The following PCDH15 variants were observed in gnomAD, a reference collection of about 807,000 sequenced individuals.
PCDH15 encodes protocadherin-15.
A neutral mutation model predicts 178.5 loss-of-function variants in PCDH15; 129 were observed. That is an observed-to-expected ratio of 0.72 (90% confidence interval 0.63 to 0.84). The LOEUF is 0.84. PCDH15 is among the 40% of genes least tolerant of loss of function. The pLI, the probability that PCDH15 is intolerant of heterozygous loss-of-function variation, is 0.00. For missense variants in PCDH15, 2,230 were observed against 2,099.9 expected (o/e 1.06, Z -1.21); for synonymous variants, 800 against 732.0 (o/e 1.09, Z -1.50).
At chr10:54,400,924 T>C (rs1239959420) in intron 3 of PCDH15, among the ~76,000 whole-genome samples, 1 of 152,054 alleles carries the variant, frequency 6.6e-6, no homozygotes, top group Non-Finnish European at 1.5e-5. Context: ...TTTATAGGTA[T>C]TGTTCATCTA....
intron 9 of PCDH15, among the ~76,000 whole-genome samples, chr10:54,234,861 T>A (rs2054465290): frequency 6.6e-6 from 1 of 152,200 alleles, no homozygotes; most frequent in South Asian, 2.1e-4. Flanking sequence ...TCTGTTAAAA[T>A]TTTTTAATTG....
At chr10:54,615,754 G>C (rs2134321169) in intron 2 of PCDH15, among the ~76,000 whole-genome samples, 1 of 152,110 alleles carries the variant, frequency 6.6e-6, no homozygotes, top group South Asian at 2.1e-4. Context: ...ATAAAATACT[G>C]TTCATTTTCT....
At chr10:54,363,768 G>C (rs1382827412) in intron 5 of PCDH15, among the ~76,000 whole-genome samples, 2 of 152,024 alleles carry the variant, frequency 1.3e-5, no homozygotes, top group Non-Finnish European at 2.9e-5. Flanking sequence ...CAAAACATGA[G>C]AGTATATTTT....
chr10:54,023,453 A>G (rs568344919), intron 18 of PCDH15, among the ~76,000 whole-genome samples: 140 of 150,740 alleles, frequency 9.3e-4, no homozygotes, highest in African/African-American at 3.2e-3. Flanking sequence ...ATGACAGAAA[A>G]CTCATAAAAA....
intron 1 of PCDH15, among the ~76,000 whole-genome samples, chr10:55,234,358 T>A (rs1367664950): frequency 2.0e-5 from 3 of 152,118 alleles, no homozygotes; most frequent in African/African-American, 7.3e-5. Context: ...AAATATTCAT[T>A]TTTAATGAGT....
intron 1 of PCDH15, among the ~76,000 whole-genome samples, chr10:55,182,630 AC>A (rs1412121511): frequency 6.6e-6 from 1 of 152,008 alleles, no homozygotes; most frequent in Non-Finnish European, 1.5e-5. Context: ...TGACTATCAA[AC>A]AGTAAGTAAT....
intron 21 of PCDH15, among the ~76,000 whole-genome samples, chr10:53,990,760 G>A (rs1367903658): frequency 2.0e-5 from 3 of 152,058 alleles, no homozygotes; most frequent in Non-Finnish European, 4.4e-5. Context: ...GCCCCTCTCT[G>A]GGCTGGCTGA....
chr10:54,708,036 G>C (rs1211623957), intron 1 of PCDH15, among the ~76,000 whole-genome samples: 2 of 152,136 alleles, frequency 1.3e-5, no homozygotes, highest in African/African-American at 4.8e-5. Context: ...AACAGGAAAA[G>C]CATGAGAAAA....
At chr10:54,528,836 G>T (rs1255342891) in intron 2 of PCDH15, among the ~76,000 whole-genome samples, 4 of 151,910 alleles carry the variant, frequency 2.6e-5, no homozygotes, top group African/African-American at 9.7e-5. Context: ...ACATGATAAT[G>T]AACATAAAAA....
chr10:53,820,131 C>T (rs2132461655), intron 33 of PCDH15, 34 bp downstream of exon 33: 1 of 396,676 alleles, frequency 2.5e-6, no homozygotes, highest in Non-Finnish European at 4.4e-6. Flanking sequence ...AGAAAAGACA[C>T]ACTCACATTA....
At chr10:54,622,118 A>T (rs1284292318) in intron 2 of PCDH15, among the ~76,000 whole-genome samples, 1 of 151,854 alleles carries the variant, frequency 6.6e-6, no homozygotes, top group Non-Finnish European at 1.5e-5. Flanking sequence ...AGGCTGGTGA[A>T]CATACTTTGA....
At chr10:54,928,449 G>A (rs908041933) in intron 2 of PCDH15, among the ~76,000 whole-genome samples, 4 of 151,900 alleles carry the variant, frequency 2.6e-5, no homozygotes, top group Non-Finnish European at 5.9e-5. Flanking sequence ...ATTTTACTGG[G>A]GTTCTCAGCA....
intron 8 of PCDH15, among the ~76,000 whole-genome samples, chr10:54,288,789 G>A (rs964967152): frequency 2.0e-5 from 3 of 152,202 alleles, no homozygotes; most frequent in Non-Finnish European, 1.5e-5. Context: ...ATTGAACTGC[G>A]GGGCAGCAGC....
At chr10:54,441,573 C>A (rs2075791098) in intron 3 of PCDH15, among the ~76,000 whole-genome samples, 2 of 151,922 alleles carry the variant, frequency 1.3e-5, no homozygotes, top group South Asian at 4.2e-4. Context: ...GTTGCAAGTT[C>A]AATAAGTTAT....
chr10:54,133,370 T>C (rs142918928), intron 14 of PCDH15, among the ~76,000 whole-genome samples: 1 of 152,278 alleles, frequency 6.6e-6, no homozygotes, highest in South Asian at 2.1e-4. Flanking sequence ...ATAAAAGCTG[T>C]CCTTGGGGCT....
chr10:53,914,534 T>A (rs994656165), intron 25 of PCDH15, among the ~76,000 whole-genome samples: 2 of 152,176 alleles, frequency 1.3e-5, no homozygotes, highest in Non-Finnish European at 2.9e-5. Context: ...AAACACCACA[T>A]GTTCTCACTC....
chr10:53,938,090 T>C (rs1225322419), intron 25 of PCDH15, among the ~76,000 whole-genome samples: 1 of 152,146 alleles, frequency 6.6e-6, no homozygotes, highest in Non-Finnish European at 1.5e-5. Flanking sequence ...ATAGCATTTA[T>C]TGCATTATTG....
intron 2 of PCDH15, among the ~76,000 whole-genome samples, chr10:54,626,573 T>C (rs1332611967): frequency 1.3e-5 from 2 of 152,170 alleles, no homozygotes; most frequent in Non-Finnish European, 2.9e-5. Context: ...AAGTCAAGAA[T>C]TGAGTTTTGG....
intron 2 of PCDH15, among the ~76,000 whole-genome samples, chr10:55,341,793 ATATATATATATATTTTTTTTTTTTT>A (rs1203352422): frequency 0.069 from 894 of 12,882 alleles, 24 homozygotes; most frequent in African/African-American, 0.11. Flanking sequence ...ATATATATAT[ATATATATATATATTTTTTTTTTTTT>A]TTTTTTTTTT....
Sources: allele counts gnomAD v4.1 joint callset (sites outside exome capture counted in the v4.1 genomes callset), GRCh38; gene constraint gnomAD v4.1.1; transcripts MANE v1.5; gene names NCBI Gene and HGNC (gene_info 2026-07-23, HGNC 2026-07-21).